Variants in TXNDC15 observed in about 807,000 individuals in gnomAD.
TXNDC15 encodes thioredoxin domain-containing protein 15.
Under a neutral mutation model 35.0 loss-of-function variants are expected in TXNDC15, and 24 were observed. The ratio of observed to expected loss-of-function variants is 0.68; its 90% CI spans 0.50 to 0.96. The LOEUF is 0.96. Among genes scored for constraint, TXNDC15 ranks in the 40% least tolerant of loss-of-function variants. The pLI is 0.00. For synonymous variants in TXNDC15, 169 were observed against 174.0 expected (o/e 0.97, Z 0.23); for missense variants, 385 against 453.3 (o/e 0.85, Z 1.37).
rs1750600254 is a variant in TXNDC15, at chr5:134,901,497, C to T, written c.*1812C>T. On this transcript the variant is annotated 3_prime_UTR_variant, in exon 5 of 5. Coordinates refer to ENST00000358387, the MANE Select transcript of TXNDC15 (RefSeq NM_024715.4). ...CTTCACATGTGTGTACTTATAAATA[C>T]AAATGTAAGGAAAACTCTAGTGAGT... 1 of 152,188 alleles carries T rather than the reference C, an allele frequency of 6.6e-6. No individual in the cohort carries two copies. The highest frequency in any genetic ancestry group is 2.1e-4 in the South Asian group (1 of 4,834). 9.4% of individuals were successfully genotyped at this position (152,188 alleles called of 1,614,324 possible).
rs763768576 is a variant in TXNDC15, at chr5:134,887,551, G to A, written c.104-144G>A. On this transcript the variant is annotated intron_variant, in intron 1 of 4. Coordinates refer to ENST00000358387, the MANE Select transcript of TXNDC15 (RefSeq NM_024715.4). Reference sequence around the variant, plus strand: ...TGACCTTCTTCCTAACCTGGGAAATGGTGAGTAGCTCTCTGATAGTTTAAT... The same window carrying A: ...TGACCTTCTTCCTAACCTGGGAAATAGTGAGTAGCTCTCTGATAGTTTAAT... 7.0e-6 allele frequency: 7 copies of A among 994,870 alleles called. No individual in the cohort carries two copies. The Admixed American group carries it at 8.9e-5, about 13-fold the overall frequency. 61.6% of individuals were successfully genotyped at this position (994,870 alleles called of 1,614,324 possible). A position where few individuals can be genotyped will look rare whatever the true frequency, so the allele number is the denominator to read the frequency against.
intron 4 of TXNDC15, among the ~76,000 whole-genome samples, chr5:134,896,787 G>C (rs1750498009): frequency 6.6e-6 from 1 of 151,724 alleles, no homozygotes. Flanking sequence ...GGGACTACAG[G>C]CGCCCGCCAC....
upstream of TXNDC15, chr5:134,874,230 G>C (rs1048787468): frequency 3.6e-6 from 2 of 550,812 alleles, no homozygotes; most frequent in Non-Finnish European, 3.2e-6. Context: ...AGCTCCTAAA[G>C]AGGTCTCCAG....
At chr5:134,893,300 T>C in intron 2 of TXNDC15, 192 bp from the exon 3 acceptor site, 1 of 558,296 alleles carries the variant, frequency 1.8e-6, no homozygotes. Context: ...TAACTTGTCA[T>C]TTGATCATAC....
intron 2 of TXNDC15, among the ~76,000 whole-genome samples, chr5:134,890,945 T>G (rs1423454745): frequency 1.3e-5 from 2 of 152,250 alleles, no homozygotes; most frequent in African/African-American, 4.8e-5. Context: ...CCTACTTTCT[T>G]TGCTTATCCA....
chr5:134,888,204 C>T (rs1474805163), intron 2 of TXNDC15, 22 bp downstream of exon 2: 1 of 1,563,312 alleles, frequency 6.4e-7, no homozygotes, highest in Admixed American at 1.8e-5. Flanking sequence ...TTATTTAGTG[C>T]TTTTCTCCTT....
At chr5:134,889,326 G>A (rs1750341837) in intron 2 of TXNDC15, among the ~76,000 whole-genome samples, 1 of 152,222 alleles carries the variant, frequency 6.6e-6, no homozygotes, top group South Asian at 2.1e-4. Context: ...CCGGGTTCAA[G>A]TGGTTCTCCT....
chr5:134,894,834 A>T lies in TXNDC15; in HGVS notation c.755+1179A>T, dbSNP rs543184440. Among the ~76,000 whole-genome samples, 4 of 152,252 alleles carry T rather than the reference A, an allele frequency of 2.6e-5. No homozygotes were observed. The East Asian group carries it at 7.7e-4, about 29-fold the overall frequency. On this transcript the variant is annotated intron_variant, in intron 3 of 4. Coordinates refer to ENST00000358387, the MANE Select transcript of TXNDC15 (RefSeq NM_024715.4). Reference sequence around the variant, plus strand: ...GTGTAAATAAATCTAGAACATCTGAAAAATGGTCAATTGGTGGTAAAATGA... The same window carrying T: ...GTGTAAATAAATCTAGAACATCTGATAAATGGTCAATTGGTGGTAAAATGA...
At chr5:134,890,916 G>T (rs192535850) in intron 2 of TXNDC15, among the ~76,000 whole-genome samples, 1 of 152,300 alleles carries the variant, frequency 6.6e-6, no homozygotes, top group Admixed American at 6.5e-5. Flanking sequence ...TTCACCAGGC[G>T]TAGATGCCAT....
In TXNDC15 at chr5:134,901,513, T is replaced by G. The variant is rs1420240851; in HGVS notation, c.*1828T>G. On this transcript the variant is annotated 3_prime_UTR_variant, in exon 5 of 5. Transcript: ENST00000358387. ...TTATAAATACAAATGTAAGGAAAAC[T>G]CTAGTGAGTCCACCTCTTATATTGA... 1 of 152,238 alleles carries G rather than the reference T, an allele frequency of 6.6e-6. No individual in the cohort carries two copies. Among genetic ancestry groups the G allele is most frequent in the Non-Finnish European group, 1.5e-5 (1 of 68,044 alleles). 9.4% of individuals were successfully genotyped at this position (152,238 alleles called of 1,614,324 possible). A position where few individuals can be genotyped will look rare whatever the true frequency, so the allele number is the denominator to read the frequency against.
chr5:134,888,273 C>A, intron 2 of TXNDC15, 91 bp downstream of exon 2: 1 of 1,287,096 alleles, frequency 7.8e-7, no homozygotes, highest in African/African-American at 1.5e-5. Context: ...AAATCATGAT[C>A]TTGATCATAT....
Position 134,887,703 on chromosome 5 carries a change from G to T in TXNDC15, c.112G>T (p.Glu38Ter). ...GTGCTGGCATGTTTTAGTTGCAGAG[G>T]AAAGTGGTCGCTTATGGTCAGAGGA... Reference protein sequence around the residue: ...LPVRGVEVAEESGRLWSEEQP... With the variant: ...LPVRGVEVAE Residue 38 changes from glutamate (E) to a stop codon, truncating the protein, a stop_gained, in exon 2 of 5, where the codon GAA becomes TAA. Coordinates refer to ENST00000358387, the MANE Select transcript of TXNDC15 (RefSeq NM_024715.4). LOFTEE classifies it high-confidence loss of function. The T allele has an allele frequency of 6.4e-7, 1 of 1,572,102 alleles. No homozygotes were observed.
chr5:134,875,230 A>G (rs1414517116), intron 1 of TXNDC15: 1 of 456,192 alleles, frequency 2.2e-6, no homozygotes, highest in South Asian at 1.5e-5. Context: ...GAGGGTGGAG[A>G]GTGGAGGCCT....
At chr5:134,875,232 T>A (rs1342932677) in intron 1 of TXNDC15, 11 of 455,760 alleles carry the variant, frequency 2.4e-5, no homozygotes, top group Non-Finnish European at 4.4e-5. Flanking sequence ...GGGTGGAGAG[T>A]GGAGGCCTTA....
chr5:134,893,918 G>A (rs1363479135), intron 3 of TXNDC15, among the ~76,000 whole-genome samples: 1 of 152,150 alleles, frequency 6.6e-6, no homozygotes, highest in Admixed American at 6.6e-5. Flanking sequence ...CTGATGGCAG[G>A]GGAGGGGCCA....
At chr5:134,882,015 G>A (rs1184654798) in intron 1 of TXNDC15, among the ~76,000 whole-genome samples, 4 of 151,852 alleles carry the variant, frequency 2.6e-5, no homozygotes, top group South Asian at 2.1e-4. Context: ...CAGACGGGGT[G>A]GCTGCCGGGC....
intron 1 of TXNDC15, among the ~76,000 whole-genome samples, chr5:134,878,605 T>C (rs1750084322): frequency 6.6e-6 from 1 of 152,364 alleles, no homozygotes; most frequent in African/African-American, 2.4e-5. Flanking sequence ...CCTGGCAGAA[T>C]TGGCATGGTG....
chr5:134,884,176 T>C (rs113315979), intron 1 of TXNDC15, among the ~76,000 whole-genome samples: 9,477 of 143,068 alleles, frequency 0.066, 694 homozygotes, highest in African/African-American at 0.19. Context: ...GCTGAGATTG[T>C]GCCACTGCAC....
At chr5:134,885,353 C>T (rs966409465) in intron 1 of TXNDC15, among the ~76,000 whole-genome samples, 3 of 152,198 alleles carry the variant, frequency 2.0e-5, no homozygotes, top group Admixed American at 6.5e-5. Flanking sequence ...CCACTACTGA[C>T]GCAGGTCCTT....
Sources: allele counts gnomAD v4.1 joint callset (sites outside exome capture counted in the v4.1 genomes callset), GRCh38; gene constraint gnomAD v4.1.1; transcripts MANE v1.5; gene names NCBI Gene and HGNC (gene_info 2026-07-23, HGNC 2026-07-21).